PARP12: variants seen among roughly 807,000 people sequenced by gnomAD.
PARP12 encodes the protein poly(ADP-ribose) polymerase family member 12.
PARP12 carries 59 observed loss-of-function variants against 72.4 expected under a neutral mutation model. That is an observed-to-expected ratio of 0.81 (90% CI 0.66 to 1.01). The LOEUF is 1.01. PARP12 is among the 50% of genes least tolerant of loss of function. The pLI is 0.00. For synonymous variants in PARP12, 403 were observed against 371.4 expected (o/e 1.09, Z -0.98); for missense variants, 851 against 914.0 (o/e 0.93, Z 0.89).
At chr7:140,055,926 T>C (rs759615241) in intron 3 of PARP12, among the ~76,000 whole-genome samples, 3 of 152,260 alleles carry the variant, frequency 2.0e-5, no homozygotes, top group African/African-American at 7.2e-5. Context: ...AAGTGCTCTA[T>C]TAAAATTGTA....
chr7:140,059,361 TACACACACACAC>T (rs36173318), intron 1 of PARP12, among the ~76,000 whole-genome samples: 1 of 148,376 alleles, frequency 6.7e-6, no homozygotes, highest in Non-Finnish European at 1.5e-5. Context: ...CAGGCGTGTA[TACACACACACAC>T]ACACACACAC....
intron 2 of PARP12, chr7:140,057,541 C>A: frequency 2.8e-6 from 1 of 359,900 alleles, no homozygotes. Context: ...TCTCTGAGCT[C>A]TCTTTTCTAC....
chr7:140,057,407 A>C (rs1298060047), intron 2 of PARP12: 1 of 543,782 alleles, frequency 1.8e-6, no homozygotes, highest in Non-Finnish European at 3.2e-6. Flanking sequence ...CTTCAAAGTG[A>C]CTAGAGCTGC....
chr7:140,062,504 C>G lies in PARP12; in HGVS notation c.326+18G>C. The stretch of plus-strand genomic sequence containing the variant: ...CGCAGGACCTCCGCCCGCCGTCGCT[C>G]CCGGCGCGGCGCCTTACCCGGCTCT... On this transcript the variant is annotated intron_variant, in intron 1 of 11. Transcript: ENST00000263549. The G allele has an allele frequency of 6.5e-7, 1 of 1,532,450 alleles. No individual in the cohort carries two copies. Among genetic ancestry groups the G allele is most frequent in the Non-Finnish European group, 8.7e-7 (1 of 1,144,008 alleles). The allele number at this position is 1,532,450 out of a possible 1,614,324, so 94.9% of individuals were successfully genotyped here.
chr7:140,050,809 A>G (rs536450164), intron 4 of PARP12, among the ~76,000 whole-genome samples: 32 of 152,302 alleles, frequency 2.1e-4, no homozygotes, highest in African/African-American at 6.5e-4. Flanking sequence ...ACAAACCATA[A>G]AAGAAAAAAA....
chr7:140,057,607 C>T (rs1369098163), intron 2 of PARP12: 14 of 436,052 alleles, frequency 3.2e-5, no homozygotes, highest in South Asian at 1.2e-4. Context: ...AGGCCAAATA[C>T]CACCCTTTCA....
intron 4 of PARP12, among the ~76,000 whole-genome samples, chr7:140,048,635 A>G (rs182890760): frequency 6.6e-6 from 1 of 152,336 alleles, no homozygotes; most frequent in East Asian, 1.9e-4. Context: ...AAACACACAC[A>G]CATGCACATA....
chr7:140,036,338 C>A (rs1431129021), intron 7 of PARP12, among the ~76,000 whole-genome samples: 1 of 152,200 alleles, frequency 6.6e-6, no homozygotes, highest in Admixed American at 6.5e-5. Flanking sequence ...ACCTTCAGGG[C>A]AGTCCTGATT....
rs1406848385 is a variant in PARP12 at position 140,041,594 on chromosome 7, T to A, written c.1182+50A>T. 5 of 1,557,940 alleles carry A rather than the reference T, an allele frequency of 3.2e-6. No homozygotes were observed. The South Asian group carries it at 6.0e-5, about 19-fold the overall frequency. On this transcript the variant is annotated intron_variant, in intron 6 of 11. Coordinates refer to ENST00000263549, the MANE Select transcript of PARP12 (RefSeq NM_022750.4). ...TATGGGGGCTCTTATTTGGCTCCTC[T>A]CTTACAGATCCTCAGGACAAAACAT...
At chr7:140,049,559 T>C (rs541595698) in intron 4 of PARP12, among the ~76,000 whole-genome samples, 11 of 152,140 alleles carry the variant, frequency 7.2e-5, no homozygotes, top group Non-Finnish European at 1.5e-4. Context: ...ACAGGTGTAC[T>C]ATGGACAGCC....
At position 140,041,410 on chromosome 7, in the gene PARP12, A is replaced by G. The variant is rs1816462546; in HGVS notation, c.1182+234T>C. 6 of 426,756 alleles carry G rather than the reference A, an allele frequency of 1.4e-5. No individual in the cohort carries two copies. In the South Asian group the frequency reaches 2.2e-4, roughly 15 times the overall value. 26.4% of individuals were successfully genotyped at this position (426,756 alleles called of 1,614,324 possible). ...AACTTGATCTCACTACAAATTTGTC[A>G]TTCAGTTCTCATGAGCCAACAGATG... On this transcript the variant is annotated intron_variant, in intron 6 of 11. Coordinates refer to ENST00000263549, the MANE Select transcript of PARP12 (RefSeq NM_022750.4).
At chr7:140,047,318 T>C (rs531732152) in intron 4 of PARP12, among the ~76,000 whole-genome samples, 1 of 152,324 alleles carries the variant, frequency 6.6e-6, no homozygotes, top group Admixed American at 6.5e-5. Flanking sequence ...AATGGATTAA[T>C]GGGTGTATGG....
intron 10 of PARP12, among the ~76,000 whole-genome samples, chr7:140,026,653 C>G (rs566621654): frequency 2.0e-5 from 3 of 152,276 alleles, no homozygotes; most frequent in South Asian, 4.1e-4. Context: ...ACCCCACCCC[C>G]ACCTTGCTCC....
At position 140,046,989 on chromosome 7, in the gene PARP12, T is replaced by TG; in HGVS notation, c.880dup (p.His294ProfsTer13). 1 of 1,613,672 alleles carries TG rather than the reference T, an allele frequency of 6.2e-7. No individual in the cohort carries two copies. The highest frequency in any genetic ancestry group is 1.1e-5 in the South Asian group (1 of 90,940). ...TTGCCATCGATACGGCAAATGGAAA[T>TG]GAACTCTATGGCACTTATCTGAAAT... On this transcript the variant is annotated frameshift_variant, in exon 5 of 12. Coordinates refer to ENST00000263549, the MANE Select transcript of PARP12 (RefSeq NM_022750.4). LOFTEE classifies it high-confidence loss of function.
At chr7:140,052,754 G>T (rs1399958085) in intron 4 of PARP12, among the ~76,000 whole-genome samples, 2 of 151,806 alleles carry the variant, frequency 1.3e-5, no homozygotes, top group Non-Finnish European at 2.9e-5. Context: ...GTGTGTGTGT[G>T]TGTGTGTGTG....
At chr7:140,052,130 T>C (rs1415066002) in intron 4 of PARP12, among the ~76,000 whole-genome samples, 3 of 152,346 alleles carry the variant, frequency 2.0e-5, no homozygotes, top group Non-Finnish European at 4.4e-5. Context: ...AGGATCTTGA[T>C]ACCACTTGTT....
chr7:140,058,366 C>A (rs557093647), intron 1 of PARP12, among the ~76,000 whole-genome samples: 1 of 151,958 alleles, frequency 6.6e-6, no homozygotes, highest in Non-Finnish European at 1.5e-5. Context: ...AAAAAATTAG[C>A]GGGGCGTGGT....
At chr7:140,031,115 C>T (rs558612664) in intron 8 of PARP12, among the ~76,000 whole-genome samples, 2 of 152,078 alleles carry the variant, frequency 1.3e-5, no homozygotes, top group South Asian at 4.1e-4. Flanking sequence ...TATACATATA[C>T]ACAAAAGAAG....
In PARP12 at chr7:140,028,631, C is replaced by T; in HGVS notation, c.1479G>A (p.Leu493=). 6.3e-7 allele frequency: 1 copy of T among 1,599,362 alleles called. No homozygotes were observed. The highest frequency in any genetic ancestry group is 8.5e-7 in the Non-Finnish European group (1 of 1,172,514). ...SIPDYWDSSA[L]PDPGFQKITL... is the part of the protein sequence containing the mutation. ...CCCCTACCTGAAAGCCTGGGTCTGG[C>T]AGGGCAGAGGAGTCCCAATAGTCTG... The change falls in exon 9 of 12, where the codon CTG becomes CTA. Residue 493 remains leucine, a synonymous_variant. Coordinates refer to ENST00000263549, the MANE Select transcript of PARP12 (RefSeq NM_022750.4).
Sources: allele counts gnomAD v4.1 joint callset (sites outside exome capture counted in the v4.1 genomes callset), GRCh38; gene constraint gnomAD v4.1.1; transcripts MANE v1.5; gene names NCBI Gene and HGNC (gene_info 2026-07-23, HGNC 2026-07-21).